DRD2: variants seen among roughly 807,000 people sequenced by gnomAD.
DRD2 encodes D(2) dopamine receptor.
A neutral mutation model predicts 38.0 loss-of-function variants in DRD2; 8 were observed. The observed-to-expected ratio is 0.21, with a 90% CI of 0.12 to 0.38. The LOEUF is 0.38. Among genes scored for constraint, DRD2 ranks in the 10% least tolerant of loss-of-function variants. The probability of loss-of-function intolerance (pLI) is 1.00; values close to 1 mark genes in which losing one functional copy is unlikely to be tolerated. For synonymous variants in DRD2, 230 were observed against 238.6 expected (o/e 0.96, Z 0.33); for missense variants, 403 against 607.7 (o/e 0.66, Z 3.54).
chr11:113,421,104 T>A (rs192077445), intron 2 of DRD2, among the ~76,000 whole-genome samples: 1 of 152,302 alleles, frequency 6.6e-6, no homozygotes, highest in African/African-American at 2.4e-5. Context: ...CTCTCCTCCA[T>A]ACCTCCAGCC....
rs986303957 is a variant in DRD2, at chr11:113,416,716, C to T, written c.532+147G>A. ...CTTGAGTGGGGCTTGGCCCAGGACA[C>T]GTAGCCTGGACTCAGTCCAGGGTAG... On this transcript the variant is annotated intron_variant, in intron 4 of 7. Coordinates refer to ENST00000362072, the MANE Select transcript of DRD2 (RefSeq NM_000795.4). 27 of 1,230,542 alleles carry T rather than the reference C, an allele frequency of 2.2e-5. No homozygotes were observed. In the East Asian group the frequency reaches 3.1e-4, roughly 14 times the overall value. The allele number at this position is 1,230,542 out of a possible 1,614,324, so 76.2% of individuals were successfully genotyped here. A position where few individuals can be genotyped will look rare whatever the true frequency, so the allele number is the denominator to read the frequency against.
intron 4 of DRD2, among the ~76,000 whole-genome samples, chr11:113,416,324 C>T (rs1315456377): frequency 1.3e-5 from 2 of 152,180 alleles, no homozygotes; most frequent in Non-Finnish European, 2.9e-5. Flanking sequence ...TTTGTGTTGC[C>T]TCTGTCTGAG....
chr11:113,449,215 T>G (rs939156245), intron 1 of DRD2, among the ~76,000 whole-genome samples: 1 of 152,108 alleles, frequency 6.6e-6, no homozygotes, highest in Admixed American at 6.6e-5. Flanking sequence ...GTCCAAATCC[T>G]TCCAACTCTT....
chr11:113,464,251 G>A (rs983649793), intron 1 of DRD2, among the ~76,000 whole-genome samples: 9 of 152,100 alleles, frequency 5.9e-5, no homozygotes, highest in Non-Finnish European at 1.2e-4. Flanking sequence ...ACTGCATGGC[G>A]GCAGCAGCCC....
intron 3 of DRD2, among the ~76,000 whole-genome samples, chr11:113,417,799 T>A (rs1261779150): frequency 6.6e-6 from 1 of 152,198 alleles, no homozygotes; most frequent in Non-Finnish European, 1.5e-5. Flanking sequence ...ACTGTCTGAG[T>A]ATGCTTGGCA....
At chr11:113,416,269 C>T (rs899388517) in intron 4 of DRD2, among the ~76,000 whole-genome samples, 3 of 152,242 alleles carry the variant, frequency 2.0e-5, no homozygotes, top group South Asian at 2.1e-4. Flanking sequence ...CACCTGCCAT[C>T]GCTCTTGCCT....
At chr11:113,466,695 G>A (rs1035467007) in intron 1 of DRD2, among the ~76,000 whole-genome samples, 2 of 152,112 alleles carry the variant, frequency 1.3e-5, no homozygotes, top group African/African-American at 2.4e-5. Flanking sequence ...GGAGAGTGTC[G>A]CTATGGGGAA....
At chr11:113,462,867 C>G (rs761798777) in intron 1 of DRD2, among the ~76,000 whole-genome samples, 1 of 152,236 alleles carries the variant, frequency 6.6e-6, no homozygotes, top group African/African-American at 2.4e-5. Flanking sequence ...CTACTTCCCA[C>G]GCATGTGCTA....
At position 113,410,203 on chromosome 11, in the gene DRD2, C is replaced by T. The variant is rs1950754157; in HGVS notation, c.*524G>A. ...TTTTTGGCTTGGGAATCTCTGGGGTCCAACCTGCAGTCTGGTATTTACATG... is the reference window on the plus strand; with the variant it reads ...TTTTTGGCTTGGGAATCTCTGGGGTTCAACCTGCAGTCTGGTATTTACATG... On this transcript the variant is annotated 3_prime_UTR_variant, in exon 8 of 8. Transcript: ENST00000362072. 5.2e-6 allele frequency: 1 copy of T among 193,400 alleles called. No homozygotes were observed. 12.0% of individuals were successfully genotyped at this position (193,400 alleles called of 1,614,324 possible).
intron 2 of DRD2, among the ~76,000 whole-genome samples, chr11:113,419,439 C>T (rs768661140): frequency 2.0e-4 from 14 of 70,520 alleles, no homozygotes; most frequent in Non-Finnish European, 1.9e-4. Context: ...TACACACATG[C>T]ACACAGGCAC....
chr11:113,425,774 G>C (rs1427297947), intron 1 of DRD2, among the ~76,000 whole-genome samples: 1 of 152,160 alleles, frequency 6.6e-6, no homozygotes, highest in Non-Finnish European at 1.5e-5. Context: ...TGAAGTAGAA[G>C]GAGGACTTAG....
At position 113,414,031 on chromosome 11, in the gene DRD2, C is replaced by T. The variant is rs1245425838; in HGVS notation, c.810+344G>A. 1.4e-5 allele frequency: 5 copies of T among 361,038 alleles called. No homozygotes were observed. In the East Asian group the frequency reaches 2.1e-4, roughly 15 times the overall value. The allele number at this position is 361,038 out of a possible 1,614,324, so 22.4% of individuals were successfully genotyped here. A position where few individuals can be genotyped will look rare whatever the true frequency, so the allele number is the denominator to read the frequency against. On this transcript the variant is annotated intron_variant, in intron 6 of 7. Coordinates refer to ENST00000362072, the MANE Select transcript of DRD2 (RefSeq NM_000795.4). ...GTTTCCTCTTCTGTCAACTGAAGATCGGTTCGATCAAAGAGACTTACCTCC... is the reference window on the plus strand; with the variant it reads ...GTTTCCTCTTCTGTCAACTGAAGATTGGTTCGATCAAAGAGACTTACCTCC...
intron 1 of DRD2, among the ~76,000 whole-genome samples, chr11:113,462,624 T>C (rs1361968494): frequency 6.6e-6 from 1 of 152,212 alleles, no homozygotes; most frequent in Non-Finnish European, 1.5e-5. Context: ...ACAGGTATCA[T>C]GCTCCATGCA....
intron 1 of DRD2, among the ~76,000 whole-genome samples, chr11:113,457,060 G>C (rs967372583): frequency 3.9e-5 from 6 of 152,138 alleles, no homozygotes; most frequent in Non-Finnish European, 8.8e-5. Context: ...GAGCCACCAG[G>C]CTGGGAGACT....
chr11:113,417,173 G>A (rs1461954664), intron 3 of DRD2, among the ~76,000 whole-genome samples, 174 bp from the exon 4 acceptor site: 4 of 152,176 alleles, frequency 2.6e-5, no homozygotes, highest in African/African-American at 9.7e-5. Context: ...CTCAGATGGC[G>A]AGGACAGTTG....
chr11:113,472,861 T>C (rs971872446), intron 1 of DRD2, among the ~76,000 whole-genome samples: 6 of 152,194 alleles, frequency 3.9e-5, no homozygotes, highest in South Asian at 2.1e-4. Flanking sequence ...TGAAGCCATA[T>C]TGGTGATTCC....
intron 1 of DRD2, among the ~76,000 whole-genome samples, chr11:113,450,508 C>T (rs1211512219): frequency 6.6e-6 from 1 of 152,200 alleles, no homozygotes; most frequent in Admixed American, 6.5e-5. Context: ...CCAAACCCCA[C>T]CTTGTCTCCA....
chr11:113,440,814 C>G (rs1024470264), intron 1 of DRD2, among the ~76,000 whole-genome samples: 2 of 152,220 alleles, frequency 1.3e-5, no homozygotes, highest in Non-Finnish European at 2.9e-5. Context: ...ATGCTGGTTT[C>G]TGATCTTGAG....
chr11:113,471,049 G>A (rs1951419075), intron 1 of DRD2, among the ~76,000 whole-genome samples: 4 of 152,114 alleles, frequency 2.6e-5, no homozygotes, highest in Admixed American at 2.6e-4. Context: ...AATTCTGAGG[G>A]CAAATTTCTC....
Sources: gnomAD v4.1 joint callset for allele counts (sites outside exome capture counted in the v4.1 genomes callset) on GRCh38, gnomAD v4.1.1 for gene constraint, MANE v1.5 for transcripts, NCBI Gene and HGNC (gene_info 2026-07-23, HGNC 2026-07-21) for gene names.